FPR3: variants seen among roughly 807,000 people sequenced by gnomAD.
The protein encoded by FPR3 is formyl peptide receptor 3.
For missense variants in FPR3, 346 were observed against 443.2 expected (o/e 0.78, Z 1.97); for synonymous variants, 135 against 163.6 (o/e 0.83, Z 1.34).
At chr19:51,818,728 A>G (rs567607583) in intron 1 of FPR3, among the ~76,000 whole-genome samples, 2 of 152,354 alleles carry the variant, frequency 1.3e-5, no homozygotes, top group East Asian at 3.9e-4. Context: ...CAGGGAATCA[A>G]GGAGTCCACC....
At chr19:51,795,792 C>T (rs1051583335) in intron 1 of FPR3, among the ~76,000 whole-genome samples, 5 of 151,928 alleles carry the variant, frequency 3.3e-5, no homozygotes, top group African/African-American at 7.3e-5. Flanking sequence ...GGATTACAGG[C>T]GTGAGCCAAT....
intron 1 of FPR3, among the ~76,000 whole-genome samples, chr19:51,818,179 C>T (rs537080878): frequency 6.6e-6 from 1 of 152,248 alleles, no homozygotes; most frequent in Non-Finnish European, 1.5e-5. Flanking sequence ...ATATAAAATG[C>T]ATCTCATGTC....
intron 1 of FPR3, among the ~76,000 whole-genome samples, chr19:51,799,050 TG>T (rs2084015096): frequency 6.6e-6 from 1 of 151,324 alleles, no homozygotes; most frequent in African/African-American, 2.4e-5. Context: ...AAGGTTGCAG[TG>T]AGCCGAGATC....
chr19:51,815,640 G>A (rs2084130020), intron 1 of FPR3, among the ~76,000 whole-genome samples: 1 of 151,830 alleles, frequency 6.6e-6, no homozygotes, highest in Non-Finnish European at 1.5e-5. Context: ...GGCCAAGGTG[G>A]GCAGATCGCT....
At chr19:51,800,983 G>A (rs1205340179) in intron 1 of FPR3, among the ~76,000 whole-genome samples, 1 of 152,168 alleles carries the variant, frequency 6.6e-6, no homozygotes, top group African/African-American at 2.4e-5. Context: ...AGAGGTGACT[G>A]TCCAGTGGCA....
chr19:51,809,912 G>T (rs564478513), intron 1 of FPR3, among the ~76,000 whole-genome samples: 9 of 152,102 alleles, frequency 5.9e-5, no homozygotes, highest in Admixed American at 1.3e-4. Flanking sequence ...GTGGGGCCTG[G>T]GTCCAGGCCC....
At chr19:51,820,375 A>G (rs1421850973) in intron 1 of FPR3, among the ~76,000 whole-genome samples, 1 of 152,220 alleles carries the variant, frequency 6.6e-6, no homozygotes. Flanking sequence ...TCCCAGAGCA[A>G]GGATGTTGTA....
At chr19:51,798,549 G>C (rs2084012688) in intron 1 of FPR3, among the ~76,000 whole-genome samples, 1 of 152,184 alleles carries the variant, frequency 6.6e-6, no homozygotes, top group Non-Finnish European at 1.5e-5. Context: ...CCCTATCCTG[G>C]TAATTTTGGA....
intron 1 of FPR3, among the ~76,000 whole-genome samples, chr19:51,806,139 C>T (rs1283005422): frequency 1.3e-5 from 2 of 152,168 alleles, no homozygotes; most frequent in Admixed American, 6.5e-5. Context: ...AAGACTGTGT[C>T]GTGACTCCAG....
chr19:51,810,673 G>A (rs900950688), intron 1 of FPR3, among the ~76,000 whole-genome samples: 1 of 152,138 alleles, frequency 6.6e-6, no homozygotes, highest in African/African-American at 2.4e-5. Flanking sequence ...ATGCACTAGT[G>A]GACAAGCAAG....
At chr19:51,797,596 C>T (rs549225164) in intron 1 of FPR3, among the ~76,000 whole-genome samples, 9 of 152,238 alleles carry the variant, frequency 5.9e-5, no homozygotes, top group East Asian at 5.8e-4. Context: ...CAATATTCAC[C>T]GTGTCTCAGG....
chr19:51,810,215 A>G (rs2084087166), intron 1 of FPR3, among the ~76,000 whole-genome samples: 1 of 152,224 alleles, frequency 6.6e-6, no homozygotes, highest in African/African-American at 2.4e-5. Flanking sequence ...AAAGTGATGA[A>G]GCTCAGTTCC....
At chr19:51,800,279 G>A (rs551956425) in intron 1 of FPR3, among the ~76,000 whole-genome samples, 5 of 152,292 alleles carry the variant, frequency 3.3e-5, no homozygotes, top group East Asian at 3.9e-4. Context: ...AAAGAAAAGC[G>A]GCTGCCTACA....
At position 51,811,636 on chromosome 19, in the gene FPR3, C is replaced by T. The variant is rs148906704; in HGVS notation, c.-10-12103C>T. The T allele has an allele frequency of 1.4e-4, 21 of 152,250 alleles. No individual in the cohort carries two copies. The East Asian group carries it at 1.7e-3, about 13-fold the overall frequency. The allele number at this position is 152,250 out of a possible 1,614,324, so 9.4% of individuals were successfully genotyped here. A position where few individuals can be genotyped will look rare whatever the true frequency, so the allele number is the denominator to read the frequency against. On this transcript the variant is annotated intron_variant, in intron 1 of 1. Transcript: ENST00000339223. ...TAGAGCCCCTGATTCTGTCGCTGTT[C>T]GGGGCACCACTATGTAACGTGCCAT...
chr19:51,801,181 C>T (rs2084025001), intron 1 of FPR3, among the ~76,000 whole-genome samples: 1 of 152,006 alleles, frequency 6.6e-6, no homozygotes, highest in Non-Finnish European at 1.5e-5. Context: ...AAGTATTGAG[C>T]CAAAACCAGG....
chr19:51,822,072 A>C (rs2084194130), intron 1 of FPR3, among the ~76,000 whole-genome samples: 1 of 152,168 alleles, frequency 6.6e-6, no homozygotes, highest in African/African-American at 2.4e-5. Context: ...AGTATAAGCA[A>C]ATTTGGTCAA....
At chr19:51,805,204 C>G (rs1016783610) in intron 1 of FPR3, 1 of 152,204 alleles carries the variant, frequency 6.6e-6, no homozygotes, top group African/African-American at 2.4e-5. Context: ...AATGTAAGAC[C>G]AGGCTGGGCA....
intron 1 of FPR3, among the ~76,000 whole-genome samples, chr19:51,810,974 T>C (rs28850399): frequency 0.12 from 18,898 of 152,172 alleles, 1,289 homozygotes; most frequent in Admixed American, 0.21. Flanking sequence ...AAGGAGGCAA[T>C]ACAGATGTTT....
chr19:51,814,350 C>A (rs1257310814), intron 1 of FPR3, among the ~76,000 whole-genome samples: 1 of 152,170 alleles, frequency 6.6e-6, no homozygotes, highest in Non-Finnish European at 1.5e-5. Flanking sequence ...TGTCTATTAA[C>A]TAATCCTTAG....
Sources: gnomAD v4.1 joint callset for allele counts (sites outside exome capture counted in the v4.1 genomes callset) on GRCh38, gnomAD v4.1.1 for gene constraint, MANE v1.5 for transcripts, NCBI Gene and HGNC (gene_info 2026-07-23, HGNC 2026-07-21) for gene names.